Variants in MACROD2 observed in about 807,000 individuals in gnomAD.
MACROD2 encodes the protein mono-ADP ribosylhydrolase 2, also known as ADP-ribose glycohydrolase MACROD2.
A neutral mutation model predicts 70.4 loss-of-function variants in MACROD2; 36 were observed. The observed-to-expected ratio is 0.51, with a 90% CI of 0.39 to 0.68. MACROD2 has a LOEUF of 0.68. Ranked by LOEUF, MACROD2 falls within the 30% of genes least tolerant of loss-of-function variation. The pLI is 0.00. For synonymous variants in MACROD2, 172 were observed against 178.8 expected (o/e 0.96, Z 0.30); for missense variants, 496 against 538.4 (o/e 0.92, Z 0.78).
In MACROD2 at chr20:15,896,536, C is replaced by CTT. The variant is rs11438756; in HGVS notation, c.775+10738_775+10739dup. On this transcript the variant is annotated intron_variant, in intron 10 of 17. Transcript: ENST00000684519. ...CCACGCAGTTTGTTAATGTCACAATCTTTTTTTTTTTTTTCTAGAAAAAAC... is the reference window on the plus strand; with the variant it reads ...CCACGCAGTTTGTTAATGTCACAATCTTTTTTTTTTTTTTTTCTAGAAAAAAC... Among the ~76,000 whole-genome samples, 328 of 144,774 alleles carry CTT rather than the reference C, an allele frequency of 2.3e-3. 1 individual carries two copies. The highest frequency in any genetic ancestry group is 0.018 in the East Asian group (92 of 4,984). The allele number at this position is 144,774 out of a possible 152,430, so 95.0% of individuals were successfully genotyped here. A position where few individuals can be genotyped will look rare whatever the true frequency, so the allele number is the denominator to read the frequency against.
intron 4 of MACROD2, among the ~76,000 whole-genome samples, chr20:14,676,093 A>G (rs560571253): frequency 2.6e-5 from 4 of 152,270 alleles, no homozygotes; most frequent in Admixed American, 2.6e-4. Flanking sequence ...CCACACAACA[A>G]TAGTGGGAGA....
chr20:14,129,071 T>C (rs930189569), intron 3 of MACROD2, among the ~76,000 whole-genome samples: 1 of 152,224 alleles, frequency 6.6e-6, no homozygotes, highest in Non-Finnish European at 1.5e-5. Flanking sequence ...TTTTATTATC[T>C]AAGAAGTATA....
rs73267010 is a variant in MACROD2 at position 15,348,482 on chromosome 20, G to A, written c.541-82923G>A. On this transcript the variant is annotated intron_variant, in intron 6 of 17. Transcript: ENST00000684519. ...TGATTAAAAGAAGAAATCAAGTTTT[G>A]GAAAAAACACTGCTAAAGAATATGA... Among the ~76,000 whole-genome samples, 778 of 152,146 alleles carry A rather than the reference G, an allele frequency of 5.1e-3. 8 individuals carry two copies. The highest frequency in any genetic ancestry group is 0.018 in the African/African-American group (732 of 41,506).
intron 8 of MACROD2, among the ~76,000 whole-genome samples, chr20:15,522,927 C>T (rs1291395917): frequency 1.3e-5 from 2 of 152,128 alleles, no homozygotes; most frequent in Non-Finnish European, 2.9e-5. Context: ...TTTCTGCCAC[C>T]TCTTGGGTAG....
chr20:14,984,220 C>T (rs910167841), intron 5 of MACROD2, among the ~76,000 whole-genome samples: 14 of 152,166 alleles, frequency 9.2e-5, no homozygotes, highest in African/African-American at 3.4e-4. Context: ...AATCTAATTT[C>T]ATATTGGTTA....
Position 14,326,579 on chromosome 20 carries a change from C to T in MACROD2, c.272-166900C>T, listed in dbSNP as rs775343139. On this transcript the variant is annotated intron_variant, in intron 3 of 17. Transcript: ENST00000684519. This position sits in a 1 kb window ranked among gnomAD's most constrained non-coding sequence, Gnocchi z 5.5. ...TCACGTACCCATTTCATCTTGCACCCGCAATACCAGGGATTGTTGCGAAGA... is the reference window on the plus strand; with the variant it reads ...TCACGTACCCATTTCATCTTGCACCTGCAATACCAGGGATTGTTGCGAAGA... 1.9e-6 allele frequency: 3 copies of T among 1,613,710 alleles called. No individual in the cohort carries two copies. The highest frequency in any genetic ancestry group is 1.3e-5 in the African/African-American group (1 of 74,888).
At chr20:15,102,779 A>G (rs956653107) in intron 5 of MACROD2, among the ~76,000 whole-genome samples, 7 of 152,106 alleles carry the variant, frequency 4.6e-5, no homozygotes, top group African/African-American at 1.7e-4. Flanking sequence ...AAAAAATTAG[A>G]AACAACCCAA....
intron 6 of MACROD2, among the ~76,000 whole-genome samples, chr20:15,274,600 C>A (rs1293100246): frequency 6.6e-6 from 1 of 152,226 alleles, no homozygotes; most frequent in Non-Finnish European, 1.5e-5. Flanking sequence ...TTCCACATTT[C>A]TCTTAAGTTG....
At chr20:15,936,299 G>T (rs2065659258) in intron 11 of MACROD2, among the ~76,000 whole-genome samples, 1 of 148,368 alleles carries the variant, frequency 6.7e-6, no homozygotes. Flanking sequence ...TAATGTGTGT[G>T]TGTATATATA....
intron 4 of MACROD2, among the ~76,000 whole-genome samples, chr20:14,495,421 G>C (rs1425704021): frequency 6.6e-6 from 1 of 152,158 alleles, no homozygotes; most frequent in Non-Finnish European, 1.5e-5. Context: ...TTTTCTTTAA[G>C]CAGATTTCCC....
At chr20:14,777,419 G>T (rs1304656378) in intron 5 of MACROD2, among the ~76,000 whole-genome samples, 1 of 151,934 alleles carries the variant, frequency 6.6e-6, no homozygotes, top group Non-Finnish European at 1.5e-5. Context: ...CGTGCCCTAT[G>T]ATATGTGTAT....
chr20:15,290,981 AG>A (rs762468567), intron 6 of MACROD2, among the ~76,000 whole-genome samples: 80 of 152,340 alleles, frequency 5.3e-4, no homozygotes, highest in Non-Finnish European at 9.3e-4. Flanking sequence ...TGATAGGCTA[AG>A]TGTGGGGTGC....
chr20:15,135,432 T>C (rs2076139265), intron 5 of MACROD2, among the ~76,000 whole-genome samples: 1 of 149,946 alleles, frequency 6.7e-6, no homozygotes, highest in East Asian at 2.0e-4. Context: ...ATAAATGTAA[T>C]CCAGCATATA....
At chr20:14,943,839 T>A (rs962037082) in intron 5 of MACROD2, among the ~76,000 whole-genome samples, 6 of 152,178 alleles carry the variant, frequency 3.9e-5, no homozygotes, top group African/African-American at 1.4e-4. Context: ...TATCGTTCAG[T>A]CAGAAGTTGT....
At chr20:15,937,308 A>C (rs922384087) in intron 11 of MACROD2, among the ~76,000 whole-genome samples, 168 bp from the exon 12 acceptor site, 1 of 152,158 alleles carries the variant, frequency 6.6e-6, no homozygotes, top group Non-Finnish European at 1.5e-5. Context: ...TAATTATAAA[A>C]GAGAGTCCCA....
At chr20:14,009,438 C>T (rs1569112981) in intron 2 of MACROD2, among the ~76,000 whole-genome samples, 2 of 152,130 alleles carry the variant, frequency 1.3e-5, no homozygotes, top group Non-Finnish European at 2.9e-5. Flanking sequence ...TCACACCAGT[C>T]TGAATGGCTA....
intron 5 of MACROD2, among the ~76,000 whole-genome samples, chr20:15,037,161 C>T (rs1182158071): frequency 6.6e-6 from 1 of 152,026 alleles, no homozygotes; most frequent in Non-Finnish European, 1.5e-5. Flanking sequence ...GTGGTTTGCC[C>T]TCTGAAGCTT....
chr20:14,892,513 C>T (rs1014173298), intron 5 of MACROD2, among the ~76,000 whole-genome samples: 3 of 152,052 alleles, frequency 2.0e-5, no homozygotes, highest in African/African-American at 7.2e-5. Context: ...ATTGACATAC[C>T]TGGAGAATTG....
At chr20:15,100,014 T>C (rs1354359094) in intron 5 of MACROD2, among the ~76,000 whole-genome samples, 1 of 152,128 alleles carries the variant, frequency 6.6e-6, no homozygotes, top group Non-Finnish European at 1.5e-5. Flanking sequence ...TACAAAGAAC[T>C]TGGCTGAATT....
Sources: allele counts gnomAD v4.1 joint callset (sites outside exome capture counted in the v4.1 genomes callset), GRCh38; gene constraint gnomAD v4.1.1; non-coding constraint Gnocchi (gnomAD v3.1); transcripts MANE v1.5; gene names NCBI Gene and HGNC (gene_info 2026-07-23, HGNC 2026-07-21).